The following BIRC6 variants were observed in gnomAD, a reference collection of about 807,000 sequenced individuals.
BIRC6 encodes the protein dual E2 ubiquitin-conjugating enzyme/E3 ubiquitin-protein ligase BIRC6.
BIRC6 carries 98 observed loss-of-function variants against 503.3 expected under a neutral mutation model. The observed-to-expected ratio is 0.19, with a 90% confidence interval of 0.17 to 0.23. The LOEUF is 0.23. BIRC6 is among the 10% of genes least tolerant of loss of function. The pLI, the probability that BIRC6 is intolerant of heterozygous loss-of-function variation, is 1.00. For synonymous variants in BIRC6, 2,240 were observed against 2,078.7 expected (o/e 1.08, Z -2.11); for missense variants, 5,360 against 5,806.0 (o/e 0.92, Z 2.50).
At chr2:32,434,786 G>C (rs1479103634) in intron 13 of BIRC6, among the ~76,000 whole-genome samples, 1 of 152,164 alleles carries the variant, frequency 6.6e-6, no homozygotes, top group Non-Finnish European at 1.5e-5. Context: ...CTTGAGCCCA[G>C]GATTTGGAGG....
At chr2:32,424,775 C>G (rs917695486) in intron 10 of BIRC6, among the ~76,000 whole-genome samples, 1 of 152,024 alleles carries the variant, frequency 6.6e-6, no homozygotes, top group Non-Finnish European at 1.5e-5. Context: ...GCCCACCCAA[C>G]GTGCTGGGAT....
At chr2:32,541,127 G>A (rs1373803348) in intron 61 of BIRC6, among the ~76,000 whole-genome samples, 4 of 151,952 alleles carry the variant, frequency 2.6e-5, no homozygotes, top group African/African-American at 9.7e-5. Context: ...ATTATGATGA[G>A]GTAAAGTTCT....
At chr2:32,426,280 C>T (rs1157649251) in intron 10 of BIRC6, among the ~76,000 whole-genome samples, 1 of 152,172 alleles carries the variant, frequency 6.6e-6, no homozygotes, top group Non-Finnish European at 1.5e-5. Flanking sequence ...CTCTCCCCAC[C>T]CCATACATTA....
In BIRC6 at chr2:32,437,480, T is replaced by C. The variant is rs115472213; in HGVS notation, c.3631+1296T>C. On this transcript the variant is annotated intron_variant, in intron 15 of 73. Coordinates refer to ENST00000421745, the MANE Select transcript of BIRC6 (RefSeq NM_016252.4). ...CAACTATATATCAGCTATTTACATT[T>C]GTGTACATTTGCTTCCTAATGTTTG... Among the ~76,000 whole-genome samples, 626 of 152,356 alleles carry C rather than the reference T, an allele frequency of 4.1e-3. 8 individuals are homozygous for C. The highest frequency in any genetic ancestry group is 0.014 in the African/African-American group (587 of 41,576).
intron 41 of BIRC6, 46 bp from the exon 42 acceptor site, chr2:32,488,542 T>G (rs1173623020): frequency 1.4e-6 from 2 of 1,439,088 alleles, no homozygotes; most frequent in African/African-American, 2.9e-5. Flanking sequence ...GTATTTCATA[T>G]TATAATAGGT....
intron 16 of BIRC6, among the ~76,000 whole-genome samples, chr2:32,439,977 C>T (rs2045229181): frequency 1.3e-5 from 2 of 152,232 alleles, no homozygotes; most frequent in Admixed American, 1.3e-4. Context: ...CTCCCAGATT[C>T]AAGCCATCCT....
At chr2:32,483,667 C>T (rs940245652) in intron 39 of BIRC6, among the ~76,000 whole-genome samples, 2 of 152,200 alleles carry the variant, frequency 1.3e-5, no homozygotes, top group Non-Finnish European at 2.9e-5. Flanking sequence ...TCATAGTTGA[C>T]CTTCATGACA....
intron 51 of BIRC6, 139 bp downstream of exon 51, chr2:32,508,398 CA>C: frequency 2.6e-6 from 3 of 1,152,318 alleles, no homozygotes; most frequent in Non-Finnish European, 3.5e-6. Flanking sequence ...CTGTATAATA[CA>C]ATTTTATTAG....
At chr2:32,602,288 T>C (rs536225661) in intron 70 of BIRC6, among the ~76,000 whole-genome samples, 3 of 152,322 alleles carry the variant, frequency 2.0e-5, no homozygotes, top group African/African-American at 4.8e-5. Context: ...CATAGCAACA[T>C]AGATGAGCCT....
chr2:32,389,534 T>C (rs923274130), intron 4 of BIRC6, among the ~76,000 whole-genome samples: 4 of 152,196 alleles, frequency 2.6e-5, no homozygotes, highest in African/African-American at 9.7e-5. Context: ...TTTTGTTTAA[T>C]TAATTAAAAA....
At chr2:32,525,728 T>C in intron 59 of BIRC6, 100 bp downstream of exon 59, 2 of 1,202,222 alleles carry the variant, frequency 1.7e-6, no homozygotes, top group South Asian at 1.5e-5. Context: ...TCAGGTGCCA[T>C]TGATGAGATC....
At chr2:32,444,031 G>GTTTTTTTTTTTTTTTTTTTTTT (rs776568064) in intron 20 of BIRC6, among the ~76,000 whole-genome samples, 15 of 136,870 alleles carry the variant, frequency 1.1e-4, no homozygotes, top group African/African-American at 3.9e-4. Context: ...GGGACCAGTG[G>GTTTTTTTTTTTTTTTTTTTTTT]TTTTTTTTTT....
chr2:32,369,945 AATATAT>A lies in BIRC6; in HGVS notation c.326-7608_326-7603del, dbSNP rs67839399. 9.7e-3 allele frequency among the ~76,000 whole-genome samples: 429 copies of A among 44,044 alleles called. 7 individuals are homozygous for A. The highest frequency in any genetic ancestry group is 0.018 in the African/African-American group (140 of 7,764). The allele number at this position is 44,044 out of a possible 152,430, so 28.9% of individuals were successfully genotyped here. A position where few individuals can be genotyped will look rare whatever the true frequency, so the allele number is the denominator to read the frequency against. The stretch of plus-strand genomic sequence containing the variant: ...GTCTCTTAAAAAAAAAAAAAAAAAA[AATATAT>A]ATATATATATATATATATATATATA... On this transcript the variant is annotated intron_variant, in intron 1 of 73. Transcript: ENST00000421745.
chr2:32,512,752 C>T (rs1215888413), intron 53 of BIRC6, among the ~76,000 whole-genome samples, 181 bp from the exon 54 acceptor site: 2 of 152,072 alleles, frequency 1.3e-5, no homozygotes, highest in African/African-American at 2.4e-5. Context: ...GGAACTGGAA[C>T]TAGTATGTCT....
chr2:32,531,734 A>G (rs890903167), intron 61 of BIRC6, among the ~76,000 whole-genome samples, 183 bp downstream of exon 61: 1 of 152,222 alleles, frequency 6.6e-6, no homozygotes, highest in South Asian at 2.1e-4. Flanking sequence ...TTCAGTAGGT[A>G]TGGAAGAAAT....
intron 61 of BIRC6, among the ~76,000 whole-genome samples, chr2:32,540,260 C>G (rs576417986): frequency 6.6e-6 from 1 of 151,986 alleles, no homozygotes; most frequent in African/African-American, 2.4e-5. Context: ...GAGCATTTGA[C>G]TACTTTAGAA....
intron 46 of BIRC6, among the ~76,000 whole-genome samples, chr2:32,501,436 A>G (rs1246585937): frequency 6.6e-6 from 1 of 152,210 alleles, no homozygotes; most frequent in African/African-American, 2.4e-5. Flanking sequence ...GAATATTGTC[A>G]TTGATATTTT....
chr2:32,414,904 T>C lies in BIRC6; in HGVS notation c.1613T>C (p.Leu538Pro). ...LEDTVKDLEE[L>P]GANPCLTNSK... is the part of the protein sequence containing the mutation. Reference sequence around the variant, plus strand: ...GATACTGTTAAGGATCTTGAAGAACTTGGGGCAAATCCTTGTTTAACAAAC... The same window carrying C: ...GATACTGTTAAGGATCTTGAAGAACCTGGGGCAAATCCTTGTTTAACAAAC... The change falls in exon 10 of 74, where the codon CTT becomes CCT. Residue 538 changes from leucine (L) to proline (P), a missense_variant. Leu to Pro is a moderately conservative substitution (Grantham distance 98). Coordinates refer to ENST00000421745, the MANE Select transcript of BIRC6 (RefSeq NM_016252.4). 6.2e-7 allele frequency: 1 copy of C among 1,613,960 alleles called. No homozygotes were observed. The highest frequency in any genetic ancestry group is 2.2e-5 in the East Asian group (1 of 44,868).
intron 46 of BIRC6, among the ~76,000 whole-genome samples, chr2:32,500,611 T>G (rs556622877): frequency 1.4e-5 from 2 of 145,752 alleles, no homozygotes; most frequent in South Asian, 2.3e-4. Context: ...TTTTTGTTTT[T>G]TTTTTTTTTT....
Sources: gnomAD v4.1 joint callset for allele counts (sites outside exome capture counted in the v4.1 genomes callset) on GRCh38, gnomAD v4.1.1 for gene constraint, MANE v1.5 for transcripts, NCBI Gene and HGNC (gene_info 2026-07-23, HGNC 2026-07-21) for gene names.